Variants in TMEM100 observed in about 807,000 individuals in gnomAD.
The protein encoded by TMEM100 is transmembrane protein 100.
For synonymous variants in TMEM100, 61 were observed against 67.1 expected (o/e 0.91, Z 0.44); for missense variants, 137 against 168.2 (o/e 0.81, Z 1.02).
At chr17:55,726,970 C>G (rs1597956631), upstream of TMEM100, among the ~76,000 whole-genome samples, 1 of 151,996 alleles carries the variant, frequency 6.6e-6, no homozygotes, top group African/African-American at 2.4e-5. Context: ...AATTGGTGGT[C>G]AATTTCTAGG....
At chr17:55,721,220 T>C (rs1908876655) in intron 1 of TMEM100, 85 bp from the exon 2 acceptor site, 6 of 880,766 alleles carry the variant, frequency 6.8e-6, no homozygotes, top group Non-Finnish European at 1.0e-5. Flanking sequence ...AGGCACCTCC[T>C]TTCTAGGAGG....
chr17:55,727,244 T>A (rs1323876925), upstream of TMEM100, among the ~76,000 whole-genome samples: 4 of 152,246 alleles, frequency 2.6e-5, no homozygotes, highest in Non-Finnish European at 5.9e-5. Flanking sequence ...TACAACCCCA[T>A]ACATTTTGCA....
upstream of TMEM100, among the ~76,000 whole-genome samples, chr17:55,723,716 T>C (rs1399547049): frequency 6.6e-6 from 1 of 152,170 alleles, no homozygotes; most frequent in African/African-American, 2.4e-5. Context: ...GGGAGATTGT[T>C]AAATTTAGAT....
chr17:55,726,380 C>T (rs1295423006), upstream of TMEM100, among the ~76,000 whole-genome samples: 1 of 152,070 alleles, frequency 6.6e-6, no homozygotes, highest in Non-Finnish European at 1.5e-5. Context: ...GGTCATTTTG[C>T]CCATTTCCCT....
rs1908842078 is a variant in TMEM100, at chr17:55,720,669, A to G, written c.402T>C (p.Ala134=). Reference sequence around the variant, plus strand: ...GCCCATTTGGTCGTATTCAGTCTCAAGCAAACAAGCTTCTCTGATTTGCCA... The same window carrying G: ...GCCCATTTGGTCGTATTCAGTCTCAGGCAAACAAGCTTCTCTGATTTGCCA... The part of the protein sequence containing the change: ...ALVANQRSLF[A] The change falls in exon 2 of 2, where the codon GCT becomes GCC. Residue 134 remains alanine (A), a synonymous_variant. Coordinates refer to ENST00000424486, the MANE Select transcript of TMEM100 (RefSeq NM_018286.3). 1 of 1,601,412 alleles carries G rather than the reference A, an allele frequency of 6.2e-7. No individual in the cohort carries two copies. Among genetic ancestry groups the G allele is most frequent in the African/African-American group, 1.3e-5 (1 of 74,450 alleles).
chr17:55,726,421 G>T (rs1207599439), upstream of TMEM100, among the ~76,000 whole-genome samples: 1 of 152,120 alleles, frequency 6.6e-6, no homozygotes, highest in Non-Finnish European at 1.5e-5. Flanking sequence ...AGGCTCTAAG[G>T]TTGCAAAAGG....
At chr17:55,731,918 G>A (rs1259772051) in exon 1 of TMEM100, 2 of 152,258 alleles carry the variant, frequency 1.3e-5, no homozygotes, top group Non-Finnish European at 1.5e-5. Context: ...CACACTTGTG[G>A]AGCCTCACCC....
At chr17:55,721,363 T>A (rs897770456) in intron 1 of TMEM100, 2 of 339,572 alleles carry the variant, frequency 5.9e-6, no homozygotes, top group African/African-American at 4.2e-5. Context: ...CTTACAGTGT[T>A]TAATATACCC....
upstream of TMEM100, among the ~76,000 whole-genome samples, chr17:55,727,260 T>G (rs1418782674): frequency 6.6e-6 from 1 of 152,216 alleles, no homozygotes; most frequent in Non-Finnish European, 1.5e-5. Context: ...TTGCATCGCA[T>G]TTTATGTTTA....
At chr17:55,728,957 GAGTAGCCTGTT>G (rs1909137041) in intron 1 of TMEM100, among the ~76,000 whole-genome samples, 1 of 152,234 alleles carries the variant, frequency 6.6e-6, no homozygotes. Flanking sequence ...AAAGAGCACT[GAGTAGCCTGTT>G]TGGCAGAATT....
At position 55,720,591 on chromosome 17, in the gene TMEM100, T is replaced by A; in HGVS notation, c.*75A>T. The stretch of plus-strand genomic sequence containing the variant: ...ACGCCAAGTCTGTTCTCTCCCACCA[T>A]GGTTCTGGGTGAATTGGGTGACAAA... On this transcript the variant is annotated 3_prime_UTR_variant, in exon 2 of 2. Coordinates refer to ENST00000424486, the MANE Select transcript of TMEM100 (RefSeq NM_018286.3). 8.8e-6 allele frequency: 11 copies of A among 1,248,794 alleles called. No homozygotes were observed. Among genetic ancestry groups the A allele is most frequent in the East Asian group, 9.4e-5 (2 of 21,208 alleles). The allele number at this position is 1,248,794 out of a possible 1,614,324, so 77.4% of individuals were successfully genotyped here.
rs1037179819 is a variant in TMEM100, at chr17:55,720,022, C to T, written c.*644G>A. 6.6e-6 allele frequency: 1 copy of T among 152,576 alleles called. No individual in the cohort carries two copies. Among genetic ancestry groups the T allele is most frequent in the Non-Finnish European group, 1.5e-5 (1 of 68,026 alleles). 9.5% of individuals were successfully genotyped at this position (152,576 alleles called of 1,614,324 possible). On this transcript the variant is annotated 3_prime_UTR_variant, in exon 2 of 2. Coordinates refer to ENST00000424486, the MANE Select transcript of TMEM100 (RefSeq NM_018286.3). ...ATTATTTTACTATTAATTTAACCCC[C>T]AACAGCATCTATTAGCTATAACTTT...
In TMEM100 at chr17:55,720,015, T is replaced by C. The variant is rs1908810891; in HGVS notation, c.*651A>G. 6.6e-6 allele frequency: 1 copy of C among 152,664 alleles called. No homozygotes were observed. Among genetic ancestry groups the C allele is most frequent in the African/African-American group, 2.4e-5 (1 of 41,466 alleles). 9.5% of individuals were successfully genotyped at this position (152,664 alleles called of 1,614,324 possible). ...ATATTGGATTATTTTACTATTAATT[T>C]AACCCCCAACAGCATCTATTAGCTA... On this transcript the variant is annotated 3_prime_UTR_variant, in exon 2 of 2. Transcript: ENST00000424486.
chr17:55,730,882 A>C (rs142613274), intron 1 of TMEM100, among the ~76,000 whole-genome samples: 380 of 152,344 alleles, frequency 2.5e-3, no homozygotes, highest in African/African-American at 8.8e-3. Flanking sequence ...AGGAGACAGA[A>C]CTTTGCTGTC....
chr17:55,723,898 T>C, upstream of TMEM100, among the ~76,000 whole-genome samples: 1 of 152,214 alleles, frequency 6.6e-6, no homozygotes, highest in East Asian at 1.9e-4. Flanking sequence ...GTAAGTGACT[T>C]TATAGGTTTA....
chr17:55,727,951 G>A (rs1221404479), exon 2 of TMEM100: 2 of 152,176 alleles, frequency 1.3e-5, no homozygotes. Context: ...GGAGCATGGA[G>A]GATATTTTTC....
At chr17:55,726,424 G>A (rs910097596), upstream of TMEM100, among the ~76,000 whole-genome samples, 7 of 152,142 alleles carry the variant, frequency 4.6e-5, no homozygotes, top group African/African-American at 1.7e-4. Context: ...CTCTAAGGTT[G>A]CAAAAGGGGA....
chr17:55,720,607 G>T lies in TMEM100; in HGVS notation c.*59C>A. The T allele has an allele frequency of 2.2e-6, 3 of 1,342,256 alleles. No homozygotes were observed. The highest frequency in any genetic ancestry group is 1.3e-5 in the South Asian group (1 of 74,914). The allele number at this position is 1,342,256 out of a possible 1,614,324, so 83.1% of individuals were successfully genotyped here. ...CTCCCACCATGGTTCTGGGTGAATT[G>T]GGTGACAAAGTCAGAGCACGTTTTC... On this transcript the variant is annotated 3_prime_UTR_variant, in exon 2 of 2. Coordinates refer to ENST00000424486, the MANE Select transcript of TMEM100 (RefSeq NM_018286.3).
upstream of TMEM100, among the ~76,000 whole-genome samples, chr17:55,727,276 G>A (rs972896643): frequency 1.3e-5 from 2 of 152,208 alleles, no homozygotes; most frequent in Admixed American, 6.5e-5. Flanking sequence ...GTTTATGTAC[G>A]TTATTCTTTG....
Sources: allele counts gnomAD v4.1 joint callset (sites outside exome capture counted in the v4.1 genomes callset), GRCh38; gene constraint gnomAD v4.1.1; transcripts MANE v1.5; gene names NCBI Gene and HGNC (gene_info 2026-07-23, HGNC 2026-07-21).